The following L3MBTL4 variants were observed in gnomAD, a reference collection of about 807,000 sequenced individuals.
L3MBTL4 encodes the protein L3MBTL histone methyl-lysine binding protein 4, also known as lethal(3)malignant brain tumor-like protein 4.
Under a neutral mutation model 84.5 loss-of-function variants are expected in L3MBTL4, and 70 were observed. The ratio of observed to expected loss-of-function variants is 0.83; its 90% confidence interval spans 0.68 to 1.01. The LOEUF is 1.01. Among genes scored for constraint, L3MBTL4 ranks in the 50% least tolerant of loss-of-function variants. The pLI, the probability that L3MBTL4 is intolerant of heterozygous loss-of-function variation, is 0.00. For missense variants in L3MBTL4, 715 were observed against 754.8 expected, an observed-to-expected ratio of 0.95 and a Z score of 0.62; for synonymous variants, 274 against 259.8, an observed-to-expected ratio of 1.05 and a Z score of -0.52.
chr18:5,996,350 T>C (rs1310644219), intron 16 of L3MBTL4, among the ~76,000 whole-genome samples: 1 of 152,218 alleles, frequency 6.6e-6, no homozygotes, highest in Non-Finnish European at 1.5e-5. Context: ...ATCTCCACAC[T>C]GAAAATCAGT....
chr18:6,211,950 A>T (rs1156297915), intron 12 of L3MBTL4, among the ~76,000 whole-genome samples: 1 of 152,206 alleles, frequency 6.6e-6, no homozygotes, highest in Non-Finnish European at 1.5e-5. Flanking sequence ...TGCCCGGCCT[A>T]CTTTTAAAAT....
rs529844387 is a variant in L3MBTL4 at position 5,963,801 on chromosome 18, A to G, written c.1615-3645T>C. ...TTTAGCATAGAATAGAGTAATATCA[A>G]GAAGTTTCCCTCTCATTCTCCCTTT... On this transcript the variant is annotated intron_variant, in intron 17 of 18. Coordinates refer to ENST00000317931, the MANE Select transcript of L3MBTL4 (RefSeq NM_001330559.2). Among the ~76,000 whole-genome samples, 7 of 152,378 alleles carry G rather than the reference A, an allele frequency of 4.6e-5. No individual in the cohort carries two copies. In the East Asian group the frequency reaches 1.3e-3, roughly 29 times the overall value.
chr18:6,309,863 TAAAC>T (rs1158290523), intron 3 of L3MBTL4, among the ~76,000 whole-genome samples: 1 of 152,316 alleles, frequency 6.6e-6, no homozygotes, highest in African/African-American at 2.4e-5. Flanking sequence ...TCTCAAATGT[TAAAC>T]AAAAAAATTT....
chr18:6,272,429 A>G (rs1445807992), intron 4 of L3MBTL4, among the ~76,000 whole-genome samples: 2 of 148,116 alleles, frequency 1.4e-5, no homozygotes, highest in African/African-American at 5.0e-5. Flanking sequence ...CTAGGACTGA[A>G]TATAAGGAAC....
intron 13 of L3MBTL4, among the ~76,000 whole-genome samples, chr18:6,161,903 G>A (rs1448275593): frequency 6.6e-6 from 1 of 150,724 alleles, no homozygotes; most frequent in Non-Finnish European, 1.5e-5. Flanking sequence ...GAAGCTCACT[G>A]AAAAAATACA....
intron 16 of L3MBTL4, among the ~76,000 whole-genome samples, chr18:6,072,821 A>C (rs577912423): frequency 1.5e-5 from 2 of 135,892 alleles, no homozygotes; most frequent in African/African-American, 5.6e-5. Flanking sequence ...GTGCCACTGC[A>C]CTCCAGCACT....
intron 1 of L3MBTL4, among the ~76,000 whole-genome samples, chr18:6,337,814 T>C (rs1264312225): frequency 6.6e-6 from 1 of 151,966 alleles, no homozygotes; most frequent in African/African-American, 2.4e-5. Context: ...AAGATAACTA[T>C]AAAGAAATCC....
chr18:6,027,669 C>T (rs944054010), intron 16 of L3MBTL4, among the ~76,000 whole-genome samples: 4 of 152,194 alleles, frequency 2.6e-5, no homozygotes, highest in Non-Finnish European at 5.9e-5. Context: ...TAAAAACATT[C>T]CTATTTCTCC....
intron 1 of L3MBTL4, among the ~76,000 whole-genome samples, chr18:6,407,008 T>TAATG: frequency 6.6e-6 from 1 of 152,310 alleles, no homozygotes; most frequent in South Asian, 2.1e-4. Flanking sequence ...TCACGGTGAT[T>TAATG]AATGTGTAAC....
At chr18:6,112,426 A>G (rs1326378275) in intron 14 of L3MBTL4, among the ~76,000 whole-genome samples, 1 of 152,182 alleles carries the variant, frequency 6.6e-6, no homozygotes, top group African/African-American at 2.4e-5. Context: ...GTCTTTAGGT[A>G]TTAAAATTGA....
At chr18:6,033,960 T>C (rs1313272787) in intron 16 of L3MBTL4, among the ~76,000 whole-genome samples, 1 of 152,204 alleles carries the variant, frequency 6.6e-6, no homozygotes, top group Non-Finnish European at 1.5e-5. Flanking sequence ...GACTACCTAT[T>C]ATAGTTGTTT....
rs1481069148 is a variant in L3MBTL4 at position 6,171,832 on chromosome 18, T to C, written c.1092A>G (p.Pro364=). ...CDVTGHPLEV[P]QRTNDLKILP... ...AACAAAGAGCAAAGTACTCACGCTG[T>C]GGCACTTCCAGTGGATGCCCTGTGA... The change falls in exon 13 of 19, where the codon CCA becomes CCG. Residue 364 remains proline (P), a synonymous_variant. Transcript: ENST00000317931. The C allele has an allele frequency of 1.3e-6, 2 of 1,534,722 alleles. No individual in the cohort carries two copies. Among genetic ancestry groups the C allele is most frequent in the South Asian group, 1.2e-5 (1 of 82,970 alleles).
intron 13 of L3MBTL4, among the ~76,000 whole-genome samples, chr18:6,143,840 A>G (rs1040821068): frequency 6.9e-6 from 1 of 145,056 alleles, no homozygotes; most frequent in African/African-American, 2.9e-5. Context: ...ATTATCTGCC[A>G]GAACAGCGAC....
At chr18:6,232,517 G>T (rs146080457) in intron 10 of L3MBTL4, among the ~76,000 whole-genome samples, 11 of 151,958 alleles carry the variant, frequency 7.2e-5, no homozygotes, top group Admixed American at 7.2e-4. Context: ...GCTTTTCTTT[G>T]TCAGGAGGTT....
In L3MBTL4 at chr18:6,386,877, G is replaced by T. The variant is rs1179690430; in HGVS notation, c.-91+27924C>A. On this transcript the variant is annotated intron_variant, in intron 1 of 18. Coordinates refer to ENST00000317931, the MANE Select transcript of L3MBTL4 (RefSeq NM_001330559.2). ...GAATGACATGAGAATGAGACTAAAG[G>T]GTTAGGAAGAGAAGAAAGCACTTAA... Among the ~76,000 whole-genome samples, 5 of 152,120 alleles carry T rather than the reference G, an allele frequency of 3.3e-5. No homozygotes were observed. The East Asian group carries it at 7.7e-4, about 23-fold the overall frequency.
chr18:5,986,057 G>A lies in L3MBTL4; in HGVS notation c.1445-16495C>T, dbSNP rs182587016. Among the ~76,000 whole-genome samples, 359 of 152,280 alleles carry A rather than the reference G, an allele frequency of 2.4e-3. 1 individual carries two copies. The highest frequency in any genetic ancestry group is 8.1e-3 in the African/African-American group (338 of 41,560). On this transcript the variant is annotated intron_variant, in intron 16 of 18. Coordinates refer to ENST00000317931, the MANE Select transcript of L3MBTL4 (RefSeq NM_001330559.2). The stretch of plus-strand genomic sequence containing the variant: ...ATGAAAAGTGACCTGGCCAGAGAGA[G>A]CAACCAATCCACAAAAATTGTATTG...
At chr18:6,007,346 C>CA (rs1367535916) in intron 16 of L3MBTL4, among the ~76,000 whole-genome samples, 1 of 150,882 alleles carries the variant, frequency 6.6e-6, no homozygotes, top group Non-Finnish European at 1.5e-5. Context: ...GCTCATAATA[C>CA]AAAAACTTAC....
At chr18:6,350,925 C>T (rs4265904) in intron 1 of L3MBTL4, among the ~76,000 whole-genome samples, 113 of 152,352 alleles carry the variant, frequency 7.4e-4, no homozygotes, top group African/African-American at 2.5e-3. Flanking sequence ...GGCACAGTGG[C>T]TCATGCCTGA....
At chr18:6,230,528 C>T (rs1041667977) in intron 10 of L3MBTL4, among the ~76,000 whole-genome samples, 4 of 152,096 alleles carry the variant, frequency 2.6e-5, no homozygotes, top group Non-Finnish European at 5.9e-5. Context: ...TTGTGAATAG[C>T]GCTGAGATGA....
Sources: gnomAD v4.1 joint callset for allele counts (sites outside exome capture counted in the v4.1 genomes callset) on GRCh38, gnomAD v4.1.1 for gene constraint, MANE v1.5 for transcripts, NCBI Gene and HGNC (gene_info 2026-07-23, HGNC 2026-07-21) for gene names.